The following NPS variants were observed in gnomAD, a reference collection of about 807,000 sequenced individuals.
NPS encodes prepro-neuropeptide S.
Under a neutral mutation model 7.2 loss-of-function variants are expected in NPS, and 6 were observed. The observed-to-expected ratio is 0.83, with a 90% CI of 0.46 to 1.64. NPS has a LOEUF of 1.64. Among genes scored for constraint, NPS ranks in the 40% most tolerant of loss-of-function variants. The pLI, the probability that NPS is intolerant of heterozygous loss-of-function variation, is 0.01. For synonymous variants in NPS, 42 were observed against 36.7 expected (o/e 1.14, Z -0.52); for missense variants, 123 against 97.8 (o/e 1.26, Z -1.09).
At chr10:127,552,301 T>C (rs1844865190) in intron 2 of NPS, among the ~76,000 whole-genome samples, 159 bp from the exon 3 acceptor site, 1 of 152,154 alleles carries the variant, frequency 6.6e-6, no homozygotes, top group Non-Finnish European at 1.5e-5. Flanking sequence ...ATATTTTGTA[T>C]CTAGATAAAG....
intron 2 of NPS, among the ~76,000 whole-genome samples, chr10:127,552,044 C>G (rs906279575): frequency 2.0e-5 from 3 of 152,304 alleles, no homozygotes; most frequent in Admixed American, 2.0e-4. Context: ...GGAAACTTGG[C>G]AAATGGCCCA....
At position 127,552,760 on chromosome 10, in the gene NPS, C is replaced by T. The variant is rs1419702307; in HGVS notation, c.*121C>T. The T allele has an allele frequency of 1.5e-6, 1 of 684,230 alleles. No individual in the cohort carries two copies. The highest frequency in any genetic ancestry group is 1.8e-5 in the African/African-American group (1 of 55,530). 42.4% of individuals were successfully genotyped at this position (684,230 alleles called of 1,614,324 possible). ...CTCTCTATTCTCAAATATCTTTCCT[C>T]TCCTGACTGGTACAGAGTAAATTGA... On this transcript the variant is annotated 3_prime_UTR_variant, in exon 3 of 3. Coordinates refer to ENST00000398023, the MANE Select transcript of NPS (RefSeq NM_001030013.2).
intron 2 of NPS, among the ~76,000 whole-genome samples, 200 bp downstream of exon 2, chr10:127,549,770 A>T (rs1012613149): frequency 6.6e-6 from 1 of 152,244 alleles, no homozygotes; most frequent in Non-Finnish European, 1.5e-5. Context: ...ACTATATTCA[A>T]ATTTGTTTTG....
At chr10:127,549,987 C>T (rs115264107) in intron 2 of NPS, among the ~76,000 whole-genome samples, 1,948 of 152,032 alleles carry the variant, frequency 0.013, 43 homozygotes, top group African/African-American at 0.044. Context: ...AACGTTAGCT[C>T]TAAATAAAAT....
At chr10:127,551,000 T>C (rs1416060982) in intron 2 of NPS, among the ~76,000 whole-genome samples, 1 of 152,226 alleles carries the variant, frequency 6.6e-6, no homozygotes, top group Non-Finnish European at 1.5e-5. Flanking sequence ...AACTGATACA[T>C]TCCTTTTGCA....
chr10:127,551,095 G>A (rs1202666063), intron 2 of NPS, among the ~76,000 whole-genome samples: 1 of 152,070 alleles, frequency 6.6e-6, no homozygotes, highest in African/African-American at 2.4e-5. Flanking sequence ...TCCCTGCTGG[G>A]GATTTTAAAT....
intron 2 of NPS, among the ~76,000 whole-genome samples, chr10:127,551,238 C>G (rs1382859325): frequency 6.8e-6 from 1 of 147,184 alleles, no homozygotes; most frequent in Admixed American, 6.7e-5. Context: ...ACCAAACTCT[C>G]TGAGATGAAA....
chr10:127,551,374 T>G (rs1844857482), intron 2 of NPS, among the ~76,000 whole-genome samples: 1 of 152,116 alleles, frequency 6.6e-6, no homozygotes, highest in Admixed American at 6.5e-5. Context: ...TTATGCACTC[T>G]GGCCCCGTTT....
At chr10:127,551,113 G>A (rs1844854601) in intron 2 of NPS, among the ~76,000 whole-genome samples, 1 of 152,082 alleles carries the variant, frequency 6.6e-6, no homozygotes, top group Non-Finnish European at 1.5e-5. Flanking sequence ...AATAGAAGGC[G>A]TTCTCTCTAT....
Position 127,553,236 on chromosome 10 carries a change from C to A in NPS, c.*597C>A, listed in dbSNP as rs536668686. Among the ~76,000 whole-genome samples, 2 of 152,102 alleles carry A rather than the reference C, an allele frequency of 1.3e-5. No homozygotes were observed. Among genetic ancestry groups the A allele is most frequent in the Non-Finnish European group, 2.9e-5 (2 of 68,020 alleles). The stretch of plus-strand genomic sequence containing the variant: ...CTTTTCCTATTCCAAATATACTTAG[C>A]TATAGGGTGTTGTTTTGTTGTCTTG... On this transcript the variant is annotated 3_prime_UTR_variant, in exon 3 of 3. Transcript: ENST00000398023.
chr10:127,550,068 C>G (rs1485926209), intron 2 of NPS, among the ~76,000 whole-genome samples: 2 of 152,048 alleles, frequency 1.3e-5, no homozygotes. Flanking sequence ...TTGAACTGTT[C>G]AAGACATTCA....
At chr10:127,549,669 A>G in intron 2 of NPS, 99 bp downstream of exon 2, 1 of 764,076 alleles carries the variant, frequency 1.3e-6, no homozygotes, top group East Asian at 2.5e-5. Flanking sequence ...CAGAAAAGTA[A>G]TTTCCTTTAT....
At chr10:127,549,895 C>G (rs1591156763) in intron 2 of NPS, among the ~76,000 whole-genome samples, 1 of 152,122 alleles carries the variant, frequency 6.6e-6, no homozygotes, top group Non-Finnish European at 1.5e-5. Context: ...AAAGTGAACA[C>G]TTAACCATGG....
chr10:127,549,709 C>A, intron 2 of NPS, 139 bp downstream of exon 2: 1 of 614,022 alleles, frequency 1.6e-6, no homozygotes, highest in Admixed American at 2.9e-5. Context: ...AAAAAGTCAG[C>A]AGATTGATGA....
chr10:127,552,422 G>A lies in NPS; in HGVS notation c.91-38G>A, dbSNP rs188428937. ...GTTGAAATATACTTTTAACCCTAAG[G>A]CTGTATTCTCTTTCTCCTCACCCAT... On this transcript the variant is annotated intron_variant, in intron 2 of 2. Transcript: ENST00000398023. 7,306 of 1,203,074 alleles carry A rather than the reference G, an allele frequency of 6.1e-3. 39 individuals are homozygous for A. Among genetic ancestry groups the A allele is most frequent in the Non-Finnish European group, 7.3e-3 (5,964 of 819,348 alleles). The allele number at this position is 1,203,074 out of a possible 1,614,324, so 74.5% of individuals were successfully genotyped here. A position where few individuals can be genotyped will look rare whatever the true frequency, so the allele number is the denominator to read the frequency against.
At chr10:127,549,416 T>C (rs1169181071) in intron 1 of NPS, 40 bp downstream of exon 1, 2 of 1,598,146 alleles carry the variant, frequency 1.3e-6, no homozygotes, top group African/African-American at 2.7e-5. Context: ...AATGTTGCAT[T>C]TTCATATGCT....
Position 127,552,473 on chromosome 10 carries a change from CTGAT to C in NPS, c.106_109del (p.Asp36ThrfsTer6), listed in dbSNP as rs768796503. On this transcript the variant is annotated frameshift_variant, in exon 3 of 3. Transcript: ENST00000398023. LOFTEE classifies it high-confidence loss of function. ...CTGAATTGCCAGGTGTCTGGAAAAT[CTGAT>C]TACTTTCTCATTCTGCTGAACAGCT... 1.2e-6 allele frequency: 2 copies of C among 1,606,706 alleles called. No individual in the cohort carries two copies. Among genetic ancestry groups the C allele is most frequent in the East Asian group, 4.5e-5 (2 of 44,792 alleles).
Position 127,549,481 on chromosome 10 carries a change from C to A in NPS, c.9-8C>A. 1.2e-6 allele frequency: 2 copies of A among 1,606,518 alleles called. No homozygotes were observed. Among genetic ancestry groups the A allele is most frequent in the Non-Finnish European group, 1.7e-6 (2 of 1,173,264 alleles). ...AAATCTTGATTGTACTTTTTTTCTA[C>A]TTTGCAGCTCAGTAAAACTCAATCT... is the stretch of plus-strand genomic sequence containing the variant. On this transcript the variant is annotated splice_polypyrimidine_tract_variant and splice_region_variant and intron_variant, in intron 1 of 2. Transcript: ENST00000398023.
At position 127,549,480 on chromosome 10, in the gene NPS, A is replaced by T. The variant is rs777107673; in HGVS notation, c.9-9A>T. 3 of 1,605,848 alleles carry T rather than the reference A, an allele frequency of 1.9e-6. No individual in the cohort carries two copies. The Admixed American group carries it at 5.0e-5, about 27-fold the overall frequency. On this transcript the variant is annotated splice_polypyrimidine_tract_variant and intron_variant, in intron 1 of 2. Coordinates refer to ENST00000398023, the MANE Select transcript of NPS (RefSeq NM_001030013.2). ...TAAATCTTGATTGTACTTTTTTTCT[A>T]CTTTGCAGCTCAGTAAAACTCAATC... is the stretch of plus-strand genomic sequence containing the variant.
Sources: allele counts gnomAD v4.1 joint callset (sites outside exome capture counted in the v4.1 genomes callset), GRCh38; gene constraint gnomAD v4.1.1; transcripts MANE v1.5; gene names NCBI Gene and HGNC (gene_info 2026-07-23, HGNC 2026-07-21).